The following ERC2 variants were observed in gnomAD, a reference collection of about 807,000 sequenced individuals.
The protein encoded by ERC2 is ERC protein 2.
Under a neutral mutation model 114.8 loss-of-function variants are expected in ERC2, and 42 were observed. That is an observed-to-expected ratio of 0.37 (90% CI 0.29 to 0.47). The LOEUF (loss-of-function observed/expected upper bound fraction) is 0.47, where lower values mean the gene tolerates loss of function less well. ERC2 is among the 20% of genes least tolerant of loss of function. The probability of loss-of-function intolerance (pLI) is 0.99; values close to 1 mark genes in which losing one functional copy is unlikely to be tolerated. For missense variants in ERC2, 939 were observed against 1,150.7 expected, an observed-to-expected ratio of 0.82 and a Z score of 2.66; for synonymous variants, 454 against 425.5, an observed-to-expected ratio of 1.07 and a Z score of -0.82.
chr3:55,822,730 C>CA lies in ERC2; in HGVS notation c.2564+65658dup, dbSNP rs562789922. Among the ~76,000 whole-genome samples the CA allele has an allele frequency of 5.0e-4, 76 of 151,146 alleles. 1 individual carries two copies. Among genetic ancestry groups the CA allele is most frequent in the Middle Eastern group, 7.0e-3 (2 of 286 alleles). On this transcript the variant is annotated intron_variant, in intron 14 of 17. Coordinates refer to ENST00000288221, the MANE Select transcript of ERC2 (RefSeq NM_015576.3). ...ACAGGCACCCGCCACTCTCCTACCT[C>CA]AGCCTCCCGAGTAGCTGGGACTACA...
intron 17 of ERC2, among the ~76,000 whole-genome samples, chr3:55,568,002 G>A (rs1220128952): frequency 6.6e-6 from 1 of 152,112 alleles, no homozygotes; most frequent in Non-Finnish European, 1.5e-5. Context: ...TTCTTTCTCT[G>A]GACTAATTTT....
chr3:56,306,803 C>T (rs1246024985), intron 2 of ERC2, among the ~76,000 whole-genome samples: 5 of 152,138 alleles, frequency 3.3e-5, no homozygotes, highest in African/African-American at 9.7e-5. Flanking sequence ...CAATCCCAGC[C>T]CTATCACTTT....
intron 2 of ERC2, among the ~76,000 whole-genome samples, chr3:56,413,997 C>T (rs1447939636): frequency 6.6e-6 from 1 of 152,222 alleles, no homozygotes; most frequent in Non-Finnish European, 1.5e-5. Context: ...CTGGAATTAA[C>T]AGTGTCCTTA....
Position 56,047,048 on chromosome 3 carries a change from CT to C in ERC2, c.1642-28018del, listed in dbSNP as rs74357053. On this transcript the variant is annotated intron_variant, in intron 7 of 17. Transcript: ENST00000288221. The stretch of plus-strand genomic sequence containing the variant: ...CTGAAGAAAACATAAACCCGGGCTT[CT>C]TTTCCCAATTAAATTCAGGGTCCCT... 1.2e-3 allele frequency among the ~76,000 whole-genome samples: 184 copies of C among 152,300 alleles called. 1 individual carries two copies. In the East Asian group the frequency reaches 0.028, roughly 23 times the overall value.
intron 2 of ERC2, among the ~76,000 whole-genome samples, chr3:56,368,817 A>G (rs1201016278): frequency 6.6e-6 from 1 of 152,084 alleles, no homozygotes; most frequent in Admixed American, 6.6e-5. Flanking sequence ...TTGAGAAAAA[A>G]AAAATCAGAA....
At chr3:55,913,716 C>T (rs969396045) in intron 13 of ERC2, among the ~76,000 whole-genome samples, 1 of 152,164 alleles carries the variant, frequency 6.6e-6, no homozygotes, top group Admixed American at 6.5e-5. Context: ...GATGGGGACA[C>T]AAGACTTGAC....
chr3:56,032,971 A>AAC lies in ERC2; in HGVS notation c.1642-13941_1642-13940insGT, dbSNP rs1560057161. 5.5e-4 allele frequency among the ~76,000 whole-genome samples: 47 copies of AAC among 85,678 alleles called. 1 individual carries two copies. Among genetic ancestry groups the AAC allele is most frequent in the African/African-American group, 7.6e-4 (17 of 22,252 alleles). The allele number at this position is 85,678 out of a possible 152,430, so 56.2% of individuals were successfully genotyped here. A position where few individuals can be genotyped will look rare whatever the true frequency, so the allele number is the denominator to read the frequency against. ...AGAAAGAAAGAAACAGAAAGAAAGA[A>AAC]AGAAAGAGAAAGAAAGAAAGAAAGA... On this transcript the variant is annotated intron_variant, in intron 7 of 17. Transcript: ENST00000288221.
intron 14 of ERC2, among the ~76,000 whole-genome samples, chr3:55,785,059 G>T (rs1463297482): frequency 6.6e-6 from 1 of 152,068 alleles, no homozygotes; most frequent in East Asian, 1.9e-4. Flanking sequence ...GGCTCGGAAA[G>T]GGCAAAGGAT....
At chr3:56,389,541 C>T (rs1416779838) in intron 2 of ERC2, among the ~76,000 whole-genome samples, 2 of 152,172 alleles carry the variant, frequency 1.3e-5, no homozygotes, top group Non-Finnish European at 2.9e-5. Flanking sequence ...GAGAGGGCCA[C>T]ACATGGTCTT....
At chr3:56,013,250 C>G (rs1278885341) in intron 8 of ERC2, among the ~76,000 whole-genome samples, 1 of 152,228 alleles carries the variant, frequency 6.6e-6, no homozygotes, top group African/African-American at 2.4e-5. Flanking sequence ...ATGGTGAATA[C>G]TGCCTGATGG....
chr3:56,252,423 A>C (rs144441167), intron 3 of ERC2, among the ~76,000 whole-genome samples: 199 of 152,294 alleles, frequency 1.3e-3, no homozygotes, highest in Non-Finnish European at 1.8e-3. Context: ...TGTGGACATC[A>C]AAAACCAAAG....
chr3:55,925,181 C>A (rs930254508), intron 13 of ERC2, among the ~76,000 whole-genome samples: 3 of 152,104 alleles, frequency 2.0e-5, no homozygotes, highest in African/African-American at 7.2e-5. Flanking sequence ...GATTCTCGTG[C>A]AAAATGGGGA....
intron 4 of ERC2, among the ~76,000 whole-genome samples, chr3:56,155,170 C>T (rs1228506810): frequency 6.6e-6 from 1 of 152,092 alleles, no homozygotes; most frequent in Non-Finnish European, 1.5e-5. Flanking sequence ...ATCTTCGCAA[C>T]ATCCCCATGG....
At chr3:55,767,446 A>T (rs1400695344) in intron 14 of ERC2, among the ~76,000 whole-genome samples, 1 of 152,328 alleles carries the variant, frequency 6.6e-6, no homozygotes, top group East Asian at 1.9e-4. Flanking sequence ...CAGGCCAAGT[A>T]TGAGGGAAGT....
intron 14 of ERC2, among the ~76,000 whole-genome samples, chr3:55,821,698 C>T (rs1212626304): frequency 1.3e-5 from 2 of 152,248 alleles, no homozygotes; most frequent in African/African-American, 4.8e-5. Context: ...CCATTCAGTC[C>T]TCATGATGAA....
intron 14 of ERC2, among the ~76,000 whole-genome samples, chr3:55,749,105 C>T (rs1559593039): frequency 1.3e-5 from 2 of 152,134 alleles, no homozygotes; most frequent in Non-Finnish European, 1.5e-5. Context: ...AGGCCTTTTG[C>T]ACAAATTGGA....
chr3:56,048,648 C>T (rs926023275), intron 7 of ERC2, among the ~76,000 whole-genome samples: 1 of 152,108 alleles, frequency 6.6e-6, no homozygotes, highest in African/African-American at 2.4e-5. Flanking sequence ...TCTCAATATG[C>T]CTGGTTATAT....
intron 2 of ERC2, among the ~76,000 whole-genome samples, chr3:56,323,769 G>C (rs2150430139): frequency 6.6e-6 from 1 of 152,288 alleles, no homozygotes; most frequent in Middle Eastern, 3.4e-3. Flanking sequence ...ACTGCAGCAA[G>C]AGTCACAGCC....
chr3:56,359,054 AT>A (rs1050108404), intron 2 of ERC2, among the ~76,000 whole-genome samples: 5 of 152,228 alleles, frequency 3.3e-5, no homozygotes, highest in African/African-American at 1.2e-4. Flanking sequence ...ACAGAAATGT[AT>A]TTTAACATGT....
Sources: allele counts gnomAD v4.1 joint callset (sites outside exome capture counted in the v4.1 genomes callset), GRCh38; gene constraint gnomAD v4.1.1; transcripts MANE v1.5; gene names NCBI Gene and HGNC (gene_info 2026-07-23, HGNC 2026-07-21).